The following MALRD1 variants were observed in gnomAD, a reference collection of about 807,000 sequenced individuals.
The protein encoded by MALRD1 is MAM and LDL-receptor class A domain-containing protein 1.
MALRD1 carries 247 observed loss-of-function variants against 242.1 expected under a neutral mutation model. The ratio of observed to expected loss-of-function variants is 1.02; its 90% CI spans 0.92 to 1.13. The LOEUF is 1.13. Ranked by LOEUF, MALRD1 falls within the 50% of genes most tolerant of loss-of-function variation. The pLI is 0.00. For missense variants in MALRD1, 2,989 were observed against 2,533.1 expected, an observed-to-expected ratio of 1.18 and a Z score of -3.86; for synonymous variants, 995 against 866.6, an observed-to-expected ratio of 1.15 and a Z score of -2.60.
rs372862974 is a variant in MALRD1, at chr10:19,568,549, C to T, written c.5680+846C>T. 8.5e-4 allele frequency among the ~76,000 whole-genome samples: 129 copies of T among 152,214 alleles called. 1 individual carries two copies. The South Asian group carries it at 0.026, about 31-fold the overall frequency. On this transcript the variant is annotated intron_variant, in intron 33 of 39. Coordinates refer to ENST00000454679, the MANE Select transcript of MALRD1 (RefSeq NM_001142308.3). ...AATAACCAGTGTGAGCCTGCTTCCT[C>T]AGGAAGTCACTCCCATGGTTAACAT...
intron 29 of MALRD1, among the ~76,000 whole-genome samples, chr10:19,479,686 A>T (rs776992678): frequency 1.3e-5 from 2 of 152,184 alleles, no homozygotes; most frequent in African/African-American, 4.8e-5. Context: ...AACAAAATAG[A>T]TCCCAAAAAA....
intron 34 of MALRD1, among the ~76,000 whole-genome samples, chr10:19,597,953 A>AGAGCAGAGCCTGCT (rs1838179921): frequency 6.6e-6 from 1 of 152,170 alleles, no homozygotes; most frequent in Non-Finnish European, 1.5e-5. Context: ...AGAGTGAAGC[A>AGAGCAGAGCCTGCT]TATTTTGTGT....
At chr10:19,603,313 T>C (rs543302253) in intron 34 of MALRD1, among the ~76,000 whole-genome samples, 1 of 152,302 alleles carries the variant, frequency 6.6e-6, no homozygotes, top group South Asian at 2.1e-4. Flanking sequence ...CTTCTAGGGT[T>C]TTTATGATTT....
intron 24 of MALRD1, among the ~76,000 whole-genome samples, chr10:19,338,667 A>G (rs56924212): frequency 0.08 from 12,093 of 151,860 alleles, 1,052 homozygotes; most frequent in African/African-American, 0.22. Context: ...GAGATGTTTG[A>G]ATACAGGCAT....
intron 32 of MALRD1, 90 bp from the exon 33 acceptor site, chr10:19,567,412 C>A: frequency 2.6e-6 from 3 of 1,135,036 alleles, no homozygotes; most frequent in Non-Finnish European, 3.8e-6. Context: ...TGTTACATAG[C>A]CAGAGATTTC....
At chr10:19,308,676 C>G (rs963319011) in intron 21 of MALRD1, among the ~76,000 whole-genome samples, 2 of 151,496 alleles carry the variant, frequency 1.3e-5, no homozygotes, top group South Asian at 4.1e-4. Context: ...TATACCTGGC[C>G]GTACTTGTCC....
chr10:19,703,568 A>G (rs1833715182), intron 38 of MALRD1, among the ~76,000 whole-genome samples: 1 of 152,206 alleles, frequency 6.6e-6, no homozygotes, highest in African/African-American at 2.4e-5. Context: ...GAGAGATGTA[A>G]TCATCAAATC....
At chr10:19,319,400 T>C (rs1039925102) in intron 21 of MALRD1, among the ~76,000 whole-genome samples, 2 of 152,120 alleles carry the variant, frequency 1.3e-5, no homozygotes, top group Admixed American at 6.6e-5. Flanking sequence ...CCATCAGTAC[T>C]TCACAAGAGC....
Position 19,238,441 on chromosome 10 carries a change from A to T in MALRD1, c.2992-19243A>T, listed in dbSNP as rs866735587. 2.4e-3 allele frequency among the ~76,000 whole-genome samples: 112 copies of T among 47,300 alleles called. 5 individuals are homozygous for T. The highest frequency in any genetic ancestry group is 8.7e-3 in the African/African-American group (108 of 12,406). 31.0% of individuals were successfully genotyped at this position (47,300 alleles called of 152,430 possible). On this transcript the variant is annotated intron_variant, in intron 18 of 39. Transcript: ENST00000454679. ...TAATATACATTATATATAATATATA[A>T]TATACATTATATATAATATATAATA...
intron 19 of MALRD1, among the ~76,000 whole-genome samples, chr10:19,271,849 GA>G (rs939557873): frequency 6.6e-6 from 1 of 151,986 alleles, no homozygotes; most frequent in African/African-American, 2.4e-5. Flanking sequence ...ACTTGCAAAT[GA>G]AAAAAATCAT....
intron 36 of MALRD1, among the ~76,000 whole-genome samples, chr10:19,668,441 G>A (rs1046649759): frequency 2.6e-5 from 4 of 152,162 alleles, no homozygotes; most frequent in African/African-American, 9.7e-5. Context: ...TAGACATCCA[G>A]TGATCATTTT....
chr10:19,408,365 G>A (rs1833125975), intron 28 of MALRD1, among the ~76,000 whole-genome samples: 1 of 152,136 alleles, frequency 6.6e-6, no homozygotes, highest in Admixed American at 6.6e-5. Flanking sequence ...CAACACAAAA[G>A]GAGAGACAAG....
At chr10:19,253,825 T>C (rs1052267773) in intron 18 of MALRD1, among the ~76,000 whole-genome samples, 2 of 151,958 alleles carry the variant, frequency 1.3e-5, no homozygotes, top group Non-Finnish European at 2.9e-5. Context: ...TCTTTCCCAA[T>C]TGATATGGTT....
intron 29 of MALRD1, among the ~76,000 whole-genome samples, chr10:19,452,106 C>A (rs1216508334): frequency 6.6e-6 from 1 of 152,154 alleles, no homozygotes; most frequent in African/African-American, 2.4e-5. Flanking sequence ...AGAAATGATT[C>A]TGGCAACTTG....
intron 30 of MALRD1, among the ~76,000 whole-genome samples, chr10:19,496,254 C>T (rs527702244): frequency 4.6e-5 from 7 of 152,166 alleles, no homozygotes; most frequent in Non-Finnish European, 7.3e-5. Context: ...TACCCCCAAA[C>T]CACAGAATAT....
chr10:19,157,873 T>C (rs1834234474), intron 12 of MALRD1, among the ~76,000 whole-genome samples: 2 of 152,228 alleles, frequency 1.3e-5, no homozygotes, highest in East Asian at 3.8e-4. Flanking sequence ...TTGCCATTTC[T>C]AACAGCACGA....
chr10:19,706,810 T>A (rs762376280), intron 38 of MALRD1, among the ~76,000 whole-genome samples: 1 of 152,036 alleles, frequency 6.6e-6, no homozygotes, highest in Non-Finnish European at 1.5e-5. Flanking sequence ...TCATCTGAAT[T>A]TGCATTATGT....
intron 33 of MALRD1, among the ~76,000 whole-genome samples, chr10:19,579,265 C>A (rs1836985806): frequency 6.6e-6 from 1 of 152,112 alleles, no homozygotes; most frequent in African/African-American, 2.4e-5. Context: ...ATATCTGAGT[C>A]TTGAGTGGTC....
At chr10:19,223,204 T>C (rs892509898) in intron 18 of MALRD1, among the ~76,000 whole-genome samples, 21 of 152,070 alleles carry the variant, frequency 1.4e-4, no homozygotes, top group African/African-American at 4.6e-4. Flanking sequence ...TTCGAGGGCC[T>C]CCCAGAATTT....
Sources: allele counts gnomAD v4.1 joint callset (sites outside exome capture counted in the v4.1 genomes callset), GRCh38; gene constraint gnomAD v4.1.1; transcripts MANE v1.5; gene names NCBI Gene and HGNC (gene_info 2026-07-23, HGNC 2026-07-21).